The following PADI2 variants were observed in gnomAD, a reference collection of about 807,000 sequenced individuals.
The protein encoded by PADI2 is peptidyl arginine deiminase 2, also known as protein-arginine deiminase type-2.
PADI2 carries 70 observed loss-of-function variants against 81.1 expected under a neutral mutation model. The ratio of observed to expected loss-of-function variants is 0.86; its 90% CI spans 0.71 to 1.05. The LOEUF (loss-of-function observed/expected upper bound fraction) is 1.05, where lower values mean the gene tolerates loss of function less well. Among genes scored for constraint, PADI2 ranks in the 50% least tolerant of loss-of-function variants. The pLI, the probability that PADI2 is intolerant of heterozygous loss-of-function variation, is 0.00. For missense variants in PADI2, 853 were observed against 889.9 expected (o/e 0.96, Z 0.53); for synonymous variants, 338 against 358.0 (o/e 0.94, Z 0.63).
chr1:17,071,386 C>G lies in PADI2; in HGVS notation c.1635+20G>C, dbSNP rs374073494. 1 of 1,592,012 alleles carries G rather than the reference C, an allele frequency of 6.3e-7. No individual in the cohort carries two copies. The highest frequency in any genetic ancestry group is 8.6e-7 in the Non-Finnish European group (1 of 1,160,282). ...CCCTCCCAGGGGCCCTCTGGCCCTG[C>G]ACCCCTGCCCTGCCCTCACCTGGAA... On this transcript the variant is annotated intron_variant, in intron 14 of 15. Coordinates refer to ENST00000375486, the MANE Select transcript of PADI2 (RefSeq NM_007365.3).
At chr1:17,093,439 G>A in intron 5 of PADI2, 128 bp downstream of exon 5, 1 of 677,896 alleles carries the variant, frequency 1.5e-6, no homozygotes, top group Non-Finnish European at 2.6e-6. Context: ...AGCAAGAGTG[G>A]GAATTTGTGT....
chr1:17,068,504 G>A lies in PADI2; in HGVS notation c.*540C>T, dbSNP rs2101566240. 1 of 161,546 alleles carries A rather than the reference G, an allele frequency of 6.2e-6. No individual in the cohort carries two copies. The highest frequency in any genetic ancestry group is 2.4e-5 in the African/African-American group (1 of 41,632). 10.0% of individuals were successfully genotyped at this position (161,546 alleles called of 1,614,324 possible). ...CACACTGCAGAGAGAAAGCCAAGAG[G>A]ATTTGAGAGGTTGGTAAGGAATGAA... On this transcript the variant is annotated 3_prime_UTR_variant, in exon 16 of 16. Coordinates refer to ENST00000375486, the MANE Select transcript of PADI2 (RefSeq NM_007365.3).
chr1:17,117,029 T>C (rs2100232197), intron 1 of PADI2, among the ~76,000 whole-genome samples: 1 of 152,240 alleles, frequency 6.6e-6, no homozygotes, highest in African/African-American at 2.4e-5. Context: ...AATTTGGGGG[T>C]TGCTACTGGC....
chr1:17,107,710 G>C (rs1272754845), intron 1 of PADI2, among the ~76,000 whole-genome samples: 1 of 152,238 alleles, frequency 6.6e-6, no homozygotes, highest in Non-Finnish European at 1.5e-5. Context: ...GTGTCTGTCT[G>C]ACCTGGGCCA....
rs367875986 is a variant in PADI2 at position 17,082,704 on chromosome 1, C to G, written c.1051-52G>C. 216 of 1,086,074 alleles carry G rather than the reference C, an allele frequency of 2.0e-4. 1 individual carries two copies. The African/African-American group carries it at 3.0e-3, about 15-fold the overall frequency. The allele number at this position is 1,086,074 out of a possible 1,614,324, so 67.3% of individuals were successfully genotyped here. On this transcript the variant is annotated intron_variant, in intron 9 of 15. Transcript: ENST00000375486. ...AGACGAATCCAGGGGACAATTTGTG[C>G]ACATGGGCAGAAAACTCGAGAAACA...
chr1:17,075,250 C>A, intron 12 of PADI2: 1 of 332,518 alleles, frequency 3.0e-6, no homozygotes, highest in Non-Finnish European at 5.6e-6. Flanking sequence ...GAAGTTGTAC[C>A]CATAAGAAAA....
At chr1:17,073,843 C>G (rs2078282160) in intron 13 of PADI2, among the ~76,000 whole-genome samples, 1 of 152,160 alleles carries the variant, frequency 6.6e-6, no homozygotes, top group Non-Finnish European at 1.5e-5. Flanking sequence ...TCATCTTTCC[C>G]TCTTTCCGTG....
chr1:17,083,774 C>T lies in PADI2; in HGVS notation c.1002G>A (p.Glu334=). The part of the protein sequence containing the change: ...VKNLVEKTNC[E]LKVCFQYLNR... ...TTAGGTACTGGAAGCAGACCTTCAG[C>T]TCACAGTTGGTTTTCTCCACAAGGT... Residue 334 remains glutamate (E), a synonymous_variant, in exon 9 of 16, where the codon GAG becomes GAA. Coordinates refer to ENST00000375486, the MANE Select transcript of PADI2 (RefSeq NM_007365.3). 1 of 1,613,994 alleles carries T rather than the reference C, an allele frequency of 6.2e-7. No individual in the cohort carries two copies. Among genetic ancestry groups the T allele is most frequent in the Non-Finnish European group, 8.5e-7 (1 of 1,179,846 alleles).
At chr1:17,110,013 C>T (rs969811898) in intron 1 of PADI2, among the ~76,000 whole-genome samples, 1 of 152,198 alleles carries the variant, frequency 6.6e-6, no homozygotes, top group African/African-American at 2.4e-5. Flanking sequence ...CAGGGCCCCA[C>T]ACCCTCCTAT....
At chr1:17,103,272 C>G (rs1931218461) in intron 2 of PADI2, among the ~76,000 whole-genome samples, 1 of 152,220 alleles carries the variant, frequency 6.6e-6, no homozygotes, top group Non-Finnish European at 1.5e-5. Flanking sequence ...CTCCTGCTGG[C>G]TGAGAGGGCA....
intron 11 of PADI2, among the ~76,000 whole-genome samples, chr1:17,076,227 T>TC (rs1305205156): frequency 3.3e-5 from 5 of 151,798 alleles, no homozygotes; most frequent in Admixed American, 6.6e-5. Context: ...CTTTTTTTTT[T>TC]CCCCCGAGAT....
intron 3 of PADI2, among the ~76,000 whole-genome samples, chr1:17,096,343 G>A (rs541169802): frequency 6.6e-6 from 1 of 152,352 alleles, no homozygotes; most frequent in East Asian, 1.9e-4. Flanking sequence ...GCAGAACTGG[G>A]GTACACAGTG....
intron 1 of PADI2, among the ~76,000 whole-genome samples, chr1:17,108,104 ATG>A (rs1397932834): frequency 6.6e-6 from 1 of 152,014 alleles, no homozygotes; most frequent in Non-Finnish European, 1.5e-5. Flanking sequence ...GCCCGCCACC[ATG>A]CCCGGCTAAT....
rs761504430 is a variant in PADI2, at chr1:17,084,650, G to A, written c.887C>T (p.Pro296Leu). 8 of 1,576,464 alleles carry A rather than the reference G, an allele frequency of 5.1e-6. No homozygotes were observed. In the East Asian group the frequency reaches 1.2e-4, roughly 23 times the overall value. The stretch of plus-strand genomic sequence containing the variant: ...CAGGATGTTGGGGGTCATGATCCAC[G>A]GAGCAATCCGGAATATCACGGTGTC... ...FTDTVIFRIA[P>L]WIMTPNILPP... The change falls in exon 8 of 16, where the codon CCG becomes CTG. Residue 296 changes from proline to leucine, a missense_variant. Coordinates refer to ENST00000375486, the MANE Select transcript of PADI2 (RefSeq NM_007365.3).
chr1:17,097,944 G>T (rs74327407), intron 3 of PADI2, among the ~76,000 whole-genome samples: 2,316 of 152,218 alleles, frequency 0.015, 62 homozygotes, highest in African/African-American at 0.054. Context: ...CCTTTTCAAG[G>T]TAAAAATTTC....
rs1364919029 is a variant in PADI2 at position 17,084,705 on chromosome 1, G to C, written c.835-3C>G. 1 of 1,545,880 alleles carries C rather than the reference G, an allele frequency of 6.5e-7. No homozygotes were observed. Among genetic ancestry groups the C allele is most frequent in the Non-Finnish European group, 8.8e-7 (1 of 1,141,708 alleles). On this transcript the variant is annotated splice_region_variant and splice_polypyrimidine_tract_variant and intron_variant, in intron 7 of 15. Coordinates refer to ENST00000375486, the MANE Select transcript of PADI2 (RefSeq NM_007365.3). Reference sequence around the variant, plus strand: ...AAGATGGGAGTCAGGGGAATGTCCTGGGTGTGGGAGACAAGGCGTGGGGGA... The same window carrying C: ...AAGATGGGAGTCAGGGGAATGTCCTCGGTGTGGGAGACAAGGCGTGGGGGA...
At chr1:17,107,148 G>A (rs12562528) in intron 1 of PADI2, among the ~76,000 whole-genome samples, 10,024 of 152,206 alleles carry the variant, frequency 0.066, 424 homozygotes, top group South Asian at 0.17. Context: ...TGGGATTCTC[G>A]TGGGATTTGT....
chr1:17,088,056 TGATGATAA>T (rs1930532869), intron 6 of PADI2, among the ~76,000 whole-genome samples: 1 of 151,938 alleles, frequency 6.6e-6, no homozygotes, highest in Non-Finnish European at 1.5e-5. Context: ...AGTGCTCAGC[TGATGATAA>T]GATGGAGCAG....
At chr1:17,083,914 C>T in intron 8 of PADI2, 77 bp from the exon 9 acceptor site, 3 of 872,332 alleles carry the variant, frequency 3.4e-6, no homozygotes, top group Non-Finnish European at 5.8e-6. Context: ...GAGATGGTGA[C>T]AGCAGCTGGT....
Sources: gnomAD v4.1 joint callset for allele counts (sites outside exome capture counted in the v4.1 genomes callset) on GRCh38, gnomAD v4.1.1 for gene constraint, MANE v1.5 for transcripts, NCBI Gene and HGNC (gene_info 2026-07-23, HGNC 2026-07-21) for gene names.